The following IMPA2 variants were observed in gnomAD, a reference collection of about 807,000 sequenced individuals.
IMPA2 encodes inositol monophosphatase 2, also known as IMP 2.
In IMPA2, 32 loss-of-function variants were observed where a neutral mutation model predicts 35.1. The observed-to-expected ratio is 0.91, with a 90% confidence interval of 0.69 to 1.23. IMPA2 has a LOEUF of 1.23. Ranked by LOEUF, IMPA2 falls within the 50% of genes most tolerant of loss-of-function variation. The pLI, the probability that IMPA2 is intolerant of heterozygous loss-of-function variation, is 0.00. For missense variants in IMPA2, 334 were observed against 387.6 expected (o/e 0.86, Z 1.16); for synonymous variants, 135 against 160.6 (o/e 0.84, Z 1.20).
In IMPA2 at chr18:12,003,676, A is replaced by G. The variant is rs199744681; in HGVS notation, c.230+4489A>G. 2.5e-3 allele frequency among the ~76,000 whole-genome samples: 197 copies of G among 78,896 alleles called. 2 individuals carry two copies. The highest frequency in any genetic ancestry group is 0.02 in the South Asian group (39 of 1,988). The allele number at this position is 78,896 out of a possible 152,430, so 51.8% of individuals were successfully genotyped here. On this transcript the variant is annotated intron_variant, in intron 2 of 7. Coordinates refer to ENST00000269159, the MANE Select transcript of IMPA2 (RefSeq NM_014214.3). ...AAAAAAAAAAAAAAGAAAAGGAAAAAAAAAAAAAAAGGCAGCATGGTAAGG... is the reference window on the plus strand; with the variant it reads ...AAAAAAAAAAAAAAGAAAAGGAAAAGAAAAAAAAAAGGCAGCATGGTAAGG...
chr18:12,029,651 C>T (rs577171814), intron 7 of IMPA2, among the ~76,000 whole-genome samples: 2 of 151,606 alleles, frequency 1.3e-5, no homozygotes, highest in South Asian at 4.2e-4. Flanking sequence ...GAACTCCTGA[C>T]CTCAGGTGAT....
chr18:12,030,476 C>T lies in IMPA2; in HGVS notation c.*18C>T. 3 of 1,606,856 alleles carry T rather than the reference C, an allele frequency of 1.9e-6. No homozygotes were observed. The highest frequency in any genetic ancestry group is 2.6e-6 in the Non-Finnish European group (3 of 1,173,460). ...AGAAGTGACTGCGGCTGAGGCAAAG[C>T]TGCTCCCAAGGCCTCCCTGGGCTGC... On this transcript the variant is annotated 3_prime_UTR_variant, in exon 8 of 8. Transcript: ENST00000269159.
chr18:12,014,024 TTGTC>T (rs1391757449), intron 4 of IMPA2, among the ~76,000 whole-genome samples: 1 of 152,224 alleles, frequency 6.6e-6, no homozygotes, highest in East Asian at 1.9e-4. Context: ...AAAGTTTTGT[TTGTC>T]TGAATATATT....
At chr18:11,984,590 A>G (rs1223863503) in intron 1 of IMPA2, among the ~76,000 whole-genome samples, 1 of 152,074 alleles carries the variant, frequency 6.6e-6, no homozygotes, top group Non-Finnish European at 1.5e-5. Context: ...CTGTAATCCC[A>G]GCACTTTGGG....
At chr18:12,007,628 C>CTTTCTTTCTTTCT (rs374480021) in intron 2 of IMPA2, among the ~76,000 whole-genome samples, 10 of 116,786 alleles carry the variant, frequency 8.6e-5, no homozygotes, top group South Asian at 3.1e-4. Context: ...CTTTTTCTTT[C>CTTTCTTTCTTTCT]TTCTTTCTTT....
chr18:11,996,880 A>G (rs955594233), intron 1 of IMPA2, among the ~76,000 whole-genome samples: 5 of 151,874 alleles, frequency 3.3e-5, no homozygotes, highest in Admixed American at 2.6e-4. Flanking sequence ...CCAGAAATCC[A>G]TACACACCCA....
chr18:11,998,140 C>G (rs1907011859), intron 1 of IMPA2, among the ~76,000 whole-genome samples: 1 of 152,176 alleles, frequency 6.6e-6, no homozygotes, highest in Non-Finnish European at 1.5e-5. Flanking sequence ...ACACTTCGGC[C>G]TGGGTGACAG....
Position 11,984,016 on chromosome 18 carries a change from A to G in IMPA2, c.96+2251A>G, listed in dbSNP as rs111528701. ...CTTCACTAGCACCCAGCATTCTACC[A>G]CTCTGTTGTTCGCTGCTCTCAGCTG... On this transcript the variant is annotated intron_variant, in intron 1 of 7. Coordinates refer to ENST00000269159, the MANE Select transcript of IMPA2 (RefSeq NM_014214.3). Among the ~76,000 whole-genome samples the G allele has an allele frequency of 7.3e-3, 1,104 of 151,528 alleles. 9 individuals are homozygous for G. Among genetic ancestry groups the G allele is most frequent in the South Asian group, 0.022 (103 of 4,788 alleles).
In IMPA2 at chr18:12,030,331, G is replaced by A. The variant is rs1420837248; in HGVS notation, c.752-12G>A. 2.5e-6 allele frequency: 4 copies of A among 1,610,594 alleles called. No individual in the cohort carries two copies. The African/African-American group carries it at 4.0e-5, about 16-fold the overall frequency. On this transcript the variant is annotated splice_polypyrimidine_tract_variant and intron_variant, in intron 7 of 7. Coordinates refer to ENST00000269159, the MANE Select transcript of IMPA2 (RefSeq NM_014214.3). The stretch of plus-strand genomic sequence containing the variant: ...GTAACCCGGATGCCTGGCTCTCTCT[G>A]TCTGTCCCCAGGTGGACCCCTCGAC...
chr18:12,022,941 A>ATTT lies in IMPA2; in HGVS notation c.491-5079_491-5077dup, dbSNP rs35737614. ...AAATGTGTGCCACCACGCCTGCCTAATTTTTTTTTTTTTTTTTTTTTTTTT... is the reference window on the plus strand; with the variant it reads ...AAATGTGTGCCACCACGCCTGCCTAATTTTTTTTTTTTTTTTTTTTTTTTTTTT... On this transcript the variant is annotated intron_variant, in intron 5 of 7. Coordinates refer to ENST00000269159, the MANE Select transcript of IMPA2 (RefSeq NM_014214.3). Among the ~76,000 whole-genome samples the ATTT allele has an allele frequency of 3.1e-3, 253 of 81,666 alleles. 4 individuals carry two copies. The highest frequency in any genetic ancestry group is 8.4e-3 in the East Asian group (21 of 2,506). 53.6% of individuals were successfully genotyped at this position (81,666 alleles called of 152,430 possible).
At chr18:12,024,984 A>G (rs1907839645) in intron 5 of IMPA2, among the ~76,000 whole-genome samples, 1 of 152,210 alleles carries the variant, frequency 6.6e-6, no homozygotes, top group East Asian at 1.9e-4. Flanking sequence ...ATCCACCATT[A>G]CAGTATCATA....
At chr18:12,027,702 A>T in intron 5 of IMPA2, among the ~76,000 whole-genome samples, 1 of 150,190 alleles carries the variant, frequency 6.7e-6, no homozygotes, top group Admixed American at 6.7e-5. Flanking sequence ...CAGCCTCCTG[A>T]GTAGCTGCAA....
intron 1 of IMPA2, among the ~76,000 whole-genome samples, chr18:11,990,146 C>T (rs951629755): frequency 1.3e-5 from 2 of 152,228 alleles, no homozygotes; most frequent in African/African-American, 2.4e-5. Flanking sequence ...ATCCTGTGTC[C>T]GTTGTCCCAG....
chr18:11,981,876 C>A, intron 1 of IMPA2, 111 bp downstream of exon 1: 1 of 655,598 alleles, frequency 1.5e-6, no homozygotes, highest in Non-Finnish European at 2.1e-6. Flanking sequence ...GCCCAGGGTC[C>A]GCACCCGAGG....
intron 5 of IMPA2, among the ~76,000 whole-genome samples, chr18:12,019,420 ATTTT>A (rs1023606644): frequency 7.5e-6 from 1 of 133,098 alleles, no homozygotes; most frequent in Non-Finnish European, 1.6e-5. Flanking sequence ...TGTCCGGCTA[ATTTT>A]TTTTTTTTTT....
intron 3 of IMPA2, 37 bp from the exon 4 acceptor site, chr18:12,012,133 T>C: frequency 6.2e-7 from 1 of 1,609,324 alleles, no homozygotes; most frequent in Non-Finnish European, 8.5e-7. Flanking sequence ...CTGCCGCTCT[T>C]GTTCCAGAGA....
intron 5 of IMPA2, among the ~76,000 whole-genome samples, chr18:12,024,453 C>G (rs2143823984): frequency 6.6e-6 from 1 of 152,212 alleles, no homozygotes; most frequent in East Asian, 1.9e-4. Context: ...CATTGCACTG[C>G]AGGCTGAGTG....
chr18:11,999,241 G>A (rs2143790533), intron 2 of IMPA2, 54 bp downstream of exon 2: 3 of 1,560,356 alleles, frequency 1.9e-6, no homozygotes, highest in Non-Finnish European at 2.6e-6. Flanking sequence ...CACTCATAGA[G>A]AATGCAGGGT....
intron 1 of IMPA2, among the ~76,000 whole-genome samples, chr18:11,984,980 AAAAAAC>A (rs753640183): frequency 0.011 from 1,555 of 147,470 alleles, 11 homozygotes; most frequent in African/African-American, 0.014. Context: ...AAAAAAAAAA[AAAAAAC>A]AACAAAAATC....
Sources: allele counts gnomAD v4.1 joint callset (sites outside exome capture counted in the v4.1 genomes callset), GRCh38; gene constraint gnomAD v4.1.1; transcripts MANE v1.5; gene names NCBI Gene and HGNC (gene_info 2026-07-23, HGNC 2026-07-21).